CCDC171: variants seen among roughly 807,000 people sequenced by gnomAD.
The protein encoded by CCDC171 is coiled-coil domain-containing protein 171.
CCDC171 carries 177 observed loss-of-function variants against 168.2 expected under a neutral mutation model. That is an observed-to-expected ratio of 1.05 (90% CI 0.93 to 1.19). The LOEUF (loss-of-function observed/expected upper bound fraction) is 1.19, where lower values mean the gene tolerates loss of function less well. CCDC171 is among the 50% of genes most tolerant of loss of function. CCDC171 has a pLI of 0.00. For synonymous variants in CCDC171, 687 were observed against 540.8 expected (o/e 1.27, Z -3.75); for missense variants, 1,991 against 1,539.0 (o/e 1.29, Z -4.91).
chr9:16,029,406 G>T (rs1190592847), intron 6 of CCDC171, among the ~76,000 whole-genome samples: 1 of 152,226 alleles, frequency 6.6e-6, no homozygotes, highest in Admixed American at 6.5e-5. Context: ...AATAGATTTT[G>T]TCTCTAGAGG....
At chr9:15,672,722 G>C (rs565102438) in intron 9 of CCDC171, among the ~76,000 whole-genome samples, 110 of 152,218 alleles carry the variant, frequency 7.2e-4, no homozygotes, top group African/African-American at 2.5e-3. Flanking sequence ...ATCTGTTTTG[G>C]TACCAGTACC....
At chr9:15,971,082 A>G (rs1831316727) in intron 25 of CCDC171, among the ~76,000 whole-genome samples, 2 of 152,186 alleles carry the variant, frequency 1.3e-5, no homozygotes, top group Admixed American at 6.6e-5. Context: ...AGAATTTTGT[A>G]TCTTAGTATG....
At position 15,571,716 on chromosome 9, in the gene CCDC171, C is replaced by G; in HGVS notation, c.134C>G (p.Ala45Gly). ...TDNLRKKLHWAKKEKLEITTK... is the reference protein window; with the variant it reads ...TDNLRKKLHWGKKEKLEITTK... Reference sequence around the variant, plus strand: ...AATCTCAGGAAGAAACTCCATTGGGCTAAAAAAGAAAAGTTAGAAATAACA... The same window carrying G: ...AATCTCAGGAAGAAACTCCATTGGGGTAAAAAAGAAAAGTTAGAAATAACA... The change falls in exon 3 of 26, where the codon GCT becomes GGT. Residue 45 changes from alanine (A) to glycine (G), a missense_variant. Physicochemically the swap from Ala to Gly is moderately conservative, Grantham distance 60 (BLOSUM62 0). Transcript: ENST00000380701. 2 of 1,588,416 alleles carry G rather than the reference C, an allele frequency of 1.3e-6. No homozygotes were observed. The highest frequency in any genetic ancestry group is 1.7e-6 in the Non-Finnish European group (2 of 1,173,152).
intron 3 of CCDC171, among the ~76,000 whole-genome samples, chr9:15,994,231 A>G (rs1361258424): frequency 6.6e-6 from 1 of 152,232 alleles, no homozygotes; most frequent in African/African-American, 2.4e-5. Context: ...TGTGGCCCAT[A>G]TATACCATGG....
chr9:15,874,788 C>T (rs1817630009), intron 24 of CCDC171, 125 bp downstream of exon 24: 1 of 946,838 alleles, frequency 1.1e-6, no homozygotes, highest in Non-Finnish European at 1.5e-6. Context: ...GATGTTTCTT[C>T]ATTTTTCTTC....
chr9:16,055,380 C>T (rs1833822650), intron 1 of CCDC171, among the ~76,000 whole-genome samples: 1 of 152,010 alleles, frequency 6.6e-6, no homozygotes, highest in South Asian at 2.1e-4. Flanking sequence ...AGCTGGGTCA[C>T]TGAGGAGTCT....
At chr9:16,060,077 G>T (rs1024406633) in intron 1 of CCDC171, among the ~76,000 whole-genome samples, 3 of 152,204 alleles carry the variant, frequency 2.0e-5, no homozygotes, top group African/African-American at 7.2e-5. Context: ...GGGAGACGTA[G>T]CATGTAAATG....
chr9:15,669,427 T>C (rs2048954491), intron 9 of CCDC171, among the ~76,000 whole-genome samples: 2 of 152,342 alleles, frequency 1.3e-5, no homozygotes. Context: ...ATCAGGGTAA[T>C]TGGGCTATCC....
chr9:16,030,397 G>A (rs1399822029), intron 6 of CCDC171, among the ~76,000 whole-genome samples: 4 of 152,060 alleles, frequency 2.6e-5, no homozygotes, highest in African/African-American at 9.7e-5. Flanking sequence ...CATATTTGTT[G>A]TTTAGATATA....
intron 24 of CCDC171, among the ~76,000 whole-genome samples, chr9:15,891,983 C>T (rs896440867): frequency 2.6e-5 from 4 of 152,074 alleles, no homozygotes; most frequent in African/African-American, 9.7e-5. Context: ...TTGGACCTTT[C>T]CCCAATCCCC....
At chr9:15,764,462 A>G (rs2056617232) in intron 18 of CCDC171, among the ~76,000 whole-genome samples, 1 of 152,184 alleles carries the variant, frequency 6.6e-6, no homozygotes, top group African/African-American at 2.4e-5. Flanking sequence ...TAGAGCTGAT[A>G]GGGTTTGCTG....
At position 15,555,210 on chromosome 9, in the gene CCDC171, A is replaced by G. The variant is rs569749481; in HGVS notation, c.-112+1908A>G. On this transcript the variant is annotated intron_variant, in intron 1 of 25. Transcript: ENST00000380701. ...TAAAAATGCTTCTCATTGATGAATG[A>G]TACACATAATATCCCATCATCTATT... 2.8e-4 allele frequency among the ~76,000 whole-genome samples: 43 copies of G among 152,306 alleles called. No homozygotes were observed. In the Middle Eastern group the frequency reaches 0.014, roughly 48 times the overall value.
chr9:15,577,624 A>C (rs2040774816), intron 3 of CCDC171, among the ~76,000 whole-genome samples: 2 of 152,242 alleles, frequency 1.3e-5, no homozygotes, highest in Non-Finnish European at 2.9e-5. Flanking sequence ...AGTTAGGAAA[A>C]CAGAAACCAT....
At chr9:15,826,188 A>G (rs12338137) in intron 21 of CCDC171, among the ~76,000 whole-genome samples, 1 of 151,890 alleles carries the variant, frequency 6.6e-6, no homozygotes, top group Non-Finnish European at 1.5e-5. Flanking sequence ...CATCCTTTTT[A>G]AAGTTTCTGT....
At chr9:15,827,553 C>T (rs945747693) in intron 21 of CCDC171, among the ~76,000 whole-genome samples, 6 of 152,136 alleles carry the variant, frequency 3.9e-5, no homozygotes, top group South Asian at 2.1e-4. Context: ...TGTTTATTTT[C>T]GTAGAAATCT....
intron 3 of CCDC171, among the ~76,000 whole-genome samples, chr9:16,000,574 A>C (rs774006174): frequency 6.6e-6 from 1 of 152,160 alleles, no homozygotes; most frequent in Non-Finnish European, 1.5e-5. Context: ...AAGATATGAA[A>C]TATTCATCCT....
chr9:15,576,178 TTTG>T, intron 3 of CCDC171, among the ~76,000 whole-genome samples: 1 of 151,890 alleles, frequency 6.6e-6, no homozygotes, highest in East Asian at 1.9e-4. Flanking sequence ...TGTATATATA[TTTG>T]TTGTTTTAAA....
chr9:15,663,615 T>C (rs1334342565), intron 8 of CCDC171, among the ~76,000 whole-genome samples: 2 of 151,002 alleles, frequency 1.3e-5, no homozygotes, highest in East Asian at 3.9e-4. Context: ...TTTCTTTTTT[T>C]TTTTTTTTGA....
At chr9:15,918,869 A>G (rs1824922437) in intron 24 of CCDC171, among the ~76,000 whole-genome samples, 2 of 151,612 alleles carry the variant, frequency 1.3e-5, no homozygotes, top group South Asian at 2.1e-4. Context: ...ATAACAATAT[A>G]TGGTTTCAAC....
Sources: gnomAD v4.1 joint callset for allele counts (sites outside exome capture counted in the v4.1 genomes callset) on GRCh38, gnomAD v4.1.1 for gene constraint, MANE v1.5 for transcripts, NCBI Gene and HGNC (gene_info 2026-07-23, HGNC 2026-07-21) for gene names.